The following EIF1AD variants were observed in gnomAD, a reference collection of about 807,000 sequenced individuals.
EIF1AD encodes probable RNA-binding protein EIF1AD.
A neutral mutation model predicts 21.7 loss-of-function variants in EIF1AD; 9 were observed. The observed-to-expected ratio is 0.41, with a 90% CI of 0.25 to 0.72. The LOEUF is 0.72. Ranked by LOEUF, EIF1AD falls within the 30% of genes least tolerant of loss-of-function variation. The pLI, the probability that EIF1AD is intolerant of heterozygous loss-of-function variation, is 0.29. For missense variants in EIF1AD, 164 were observed against 199.7 expected (o/e 0.82, Z 1.08); for synonymous variants, 78 against 70.9 (o/e 1.10, Z -0.50).
intron 3 of EIF1AD, 142 bp downstream of exon 3, chr11:65,999,911 T>C (rs2134957106): frequency 2.9e-6 from 2 of 683,454 alleles, no homozygotes; most frequent in East Asian, 5.4e-5. Context: ...GCCTCCTGAG[T>C]AGCTGGGATC....
chr11:65,999,364 G>T lies in EIF1AD; in HGVS notation c.339C>A (p.His113Gln), dbSNP rs1161331678. The change falls in exon 5 of 6, where the codon CAC (histidine) becomes CAA (glutamine). Residue 113 changes from histidine (H) to glutamine (Q), a missense_variant. Transcript: ENST00000533544. ...PEAFSEVAEK[H>Q]NNRNRQTQPE... ...TTGTTCCTCACCTGTTCCTGTTGTT[G>T]TGTTTCTCAGCCACTTCAGAGAAGG... 1 of 1,614,102 alleles carries T rather than the reference G, an allele frequency of 6.2e-7. No homozygotes were observed. Among genetic ancestry groups the T allele is most frequent in the African/African-American group, 1.3e-5 (1 of 74,934 alleles).
At position 65,998,693 on chromosome 11, in the gene EIF1AD, G is replaced by A; in HGVS notation, c.404C>T (p.Ser135Phe). 6.2e-7 allele frequency: 1 copy of A among 1,614,132 alleles called. No individual in the cohort carries two copies. Among genetic ancestry groups the A allele is most frequent in the Non-Finnish European group, 8.5e-7 (1 of 1,180,004 alleles). Residue 135 changes from serine (S) to phenylalanine (F), a missense_variant, in exon 6 of 6, where the codon TCC (serine) becomes TTC (phenylalanine). By Grantham distance (155) the Ser-to-Phe change is radical. Coordinates refer to ENST00000533544, the MANE Select transcript of EIF1AD (RefSeq NM_001242481.2). ...PAEPQLSGEE[S>F]SSEDDSDLFV... Reference sequence around the variant, plus strand: ...CAGGTCAGAATCATCTTCTGAGCTGGACTCCTCTCCTGATAACTGTGGCTC... The same window carrying A: ...CAGGTCAGAATCATCTTCTGAGCTGAACTCCTCTCCTGATAACTGTGGCTC...
At chr11:66,001,367 G>A (rs1011367007) in intron 1 of EIF1AD, among the ~76,000 whole-genome samples, 2 of 151,248 alleles carry the variant, frequency 1.3e-5, no homozygotes, top group Non-Finnish European at 2.9e-5. Flanking sequence ...AGCTACCCGG[G>A]AGGCTGAGGC....
rs944596808 is a variant in EIF1AD at position 65,997,994 on chromosome 11, T to G, written c.*605A>C. 1.3e-5 allele frequency: 2 copies of G among 152,430 alleles called. No homozygotes were observed. The highest frequency in any genetic ancestry group is 4.8e-5 in the African/African-American group (2 of 41,396). 9.4% of individuals were successfully genotyped at this position (152,430 alleles called of 1,614,324 possible). A position where few individuals can be genotyped will look rare whatever the true frequency, so the allele number is the denominator to read the frequency against. On this transcript the variant is annotated 3_prime_UTR_variant, in exon 6 of 6. Coordinates refer to ENST00000533544, the MANE Select transcript of EIF1AD (RefSeq NM_001242481.2). ...GCCACCTTCTGGAAGTGATAGATGGTGCAGAGTGGGAGAGATGAGGTCGTA... is the reference window on the plus strand; with the variant it reads ...GCCACCTTCTGGAAGTGATAGATGGGGCAGAGTGGGAGAGATGAGGTCGTA...
chr11:66,000,693 T>G, intron 1 of EIF1AD, 188 bp from the exon 2 acceptor site: 1 of 276,108 alleles, frequency 3.6e-6, no homozygotes, highest in Non-Finnish European at 7.0e-6. Flanking sequence ...TCTTAGTTTC[T>G]CTCCAACCTC....
rs769702496 is a variant in EIF1AD, at chr11:65,999,654, G to C, written c.218C>G (p.Pro73Arg). 14 of 1,613,812 alleles carry C rather than the reference G, an allele frequency of 8.7e-6. No homozygotes were observed. The highest frequency in any genetic ancestry group is 1.7e-4 in the Middle Eastern group (1 of 6,030). The change falls in exon 4 of 6, where the codon CCC (proline) becomes CGC (arginine). Residue 73 changes from proline (P) to arginine (R), a missense_variant. Physicochemically the swap from Pro to Arg is moderately radical, Grantham distance 103. Transcript: ENST00000533544. The stretch of plus-strand genomic sequence containing the variant: ...CTTCACCTTTTCTCCCTCTTCAATG[G>C]GGTCAACAATGAGAAAGTCCCCTGT... ...IKRGDFLIVD[P>R]IEEGEKVKAE...
rs149843397 is a variant in EIF1AD at position 65,998,680 on chromosome 11, A to C, written c.417T>G (p.Asp139Glu). ...QLSGEESSSEDDSDLFVNTNR... is the reference protein window; with the variant it reads ...QLSGEESSSEEDSDLFVNTNR... ...TTGTGTTAACAAACAGGTCAGAATC[A>C]TCTTCTGAGCTGGACTCCTCTCCTG... The change falls in exon 6 of 6, where the codon GAT becomes GAG. Residue 139 changes from aspartate (D) to glutamate (E), a missense_variant. Coordinates refer to ENST00000533544, the MANE Select transcript of EIF1AD (RefSeq NM_001242481.2). The C allele has an allele frequency of 1.9e-6, 3 of 1,614,010 alleles. No individual in the cohort carries two copies. The African/African-American group carries it at 4.0e-5, about 22-fold the overall frequency.
intron 1 of EIF1AD, among the ~76,000 whole-genome samples, chr11:66,001,471 CAAAA>C (rs397944986): frequency 5.0e-5 from 4 of 79,454 alleles, no homozygotes; most frequent in Admixed American, 1.5e-4. Flanking sequence ...GACTCCGTCT[CAAAA>C]AAAAAAAAAA....
At chr11:65,998,854 A>G (rs758285352) in intron 5 of EIF1AD, 111 bp from the exon 6 acceptor site, 2 of 1,229,846 alleles carry the variant, frequency 1.6e-6, no homozygotes, top group Non-Finnish European at 2.3e-6. Flanking sequence ...AGGGCCCTAC[A>G]GCACCCTTTA....
In EIF1AD at chr11:65,999,629, C is replaced by T; in HGVS notation, c.243G>A (p.Lys81=). The stretch of plus-strand genomic sequence containing the variant: ...TGCAGAGCACAAACGAGATTTCAGC[C>T]TTCACCTTTTCTCCCTCTTCAATGG... ...VDPIEEGEKV[K]AEISFVLCKD... is the part of the protein sequence containing the mutation. Residue 81 remains lysine, a synonymous_variant, in exon 4 of 6, where the codon AAG becomes AAA. Coordinates refer to ENST00000533544, the MANE Select transcript of EIF1AD (RefSeq NM_001242481.2). 4 of 1,614,056 alleles carry T rather than the reference C, an allele frequency of 2.5e-6. No homozygotes were observed. Among genetic ancestry groups the T allele is most frequent in the Non-Finnish European group, 3.4e-6 (4 of 1,180,026 alleles).
rs2134943254 is a variant in EIF1AD, at chr11:65,996,795, T to TC, written c.*1803dup. On this transcript the variant is annotated 3_prime_UTR_variant, in exon 6 of 6. Transcript: ENST00000533544. ...CACATCACATCCATAACATATCACA[T>TC]CCAATAGACAGGACAGCCAAAAACA... 6.6e-6 allele frequency: 1 copy of TC among 151,928 alleles called. No individual in the cohort carries two copies. The highest frequency in any genetic ancestry group is 1.5e-5 in the Non-Finnish European group (1 of 67,990). The allele number at this position is 151,928 out of a possible 1,614,324, so 9.4% of individuals were successfully genotyped here.
chr11:66,001,336 A>G (rs1436374192), intron 1 of EIF1AD, among the ~76,000 whole-genome samples: 2 of 151,928 alleles, frequency 1.3e-5, no homozygotes, highest in Non-Finnish European at 2.9e-5. Flanking sequence ...GCCGGGCGTG[A>G]TGACGAGCGC....
Position 66,000,502 on chromosome 11 carries a change from T to C in EIF1AD, c.-113A>G. Reference sequence around the variant, plus strand: ...CTGTTCTGAAGATGGGGAGGGGCCTTTTACTGAGGGGTGACACGGTGTCTT... The same window carrying C: ...CTGTTCTGAAGATGGGGAGGGGCCTCTTACTGAGGGGTGACACGGTGTCTT... On this transcript the variant is annotated 5_prime_UTR_variant, in exon 2 of 6. Transcript: ENST00000533544. 2.0e-6 allele frequency: 2 copies of C among 1,000,978 alleles called. No individual in the cohort carries two copies. Among genetic ancestry groups the C allele is most frequent in the South Asian group, 1.4e-5 (1 of 71,042 alleles). The allele number at this position is 1,000,978 out of a possible 1,614,324, so 62.0% of individuals were successfully genotyped here.
rs760336439 is a variant in EIF1AD at position 65,999,674 on chromosome 11, C to T, written c.198G>A (p.Gly66=). The T allele has an allele frequency of 1.2e-6, 2 of 1,611,688 alleles. No individual in the cohort carries two copies. The highest frequency in any genetic ancestry group is 3.3e-5 in the Admixed American group (2 of 59,956). ...CAATGGGGTCAACAATGAGAAAGTC[C>T]CCTGTAGATAAGAAGAGAAAAGGCA... is the stretch of plus-strand genomic sequence containing the variant. ...KYRKNIWIKR[G]DFLIVDPIEE... is the part of the protein sequence containing the mutation. The change falls in exon 4 of 6, where the codon GGG becomes GGA. Residue 66 remains glycine (G), a splice_region_variant and synonymous_variant. Transcript: ENST00000533544.
At position 65,998,367 on chromosome 11, in the gene EIF1AD, A is replaced by G; in HGVS notation, c.*232T>C. The stretch of plus-strand genomic sequence containing the variant: ...CCCACAAGGTCTCTAATAAATAGGG[A>G]GCAGTTTTTCACTTCATCACAATCT... On this transcript the variant is annotated 3_prime_UTR_variant, in exon 6 of 6. Transcript: ENST00000533544. The G allele has an allele frequency of 3.2e-6, 1 of 315,774 alleles. No homozygotes were observed. Among genetic ancestry groups the G allele is most frequent in the Non-Finnish European group, 5.8e-6 (1 of 172,254 alleles). The allele number at this position is 315,774 out of a possible 1,614,324, so 19.6% of individuals were successfully genotyped here. A position where few individuals can be genotyped will look rare whatever the true frequency, so the allele number is the denominator to read the frequency against.
rs1855822909 is a variant in EIF1AD, at chr11:65,998,754, G to A, written c.354-11C>T. On this transcript the variant is annotated splice_polypyrimidine_tract_variant and intron_variant, in intron 5 of 5. Coordinates refer to ENST00000533544, the MANE Select transcript of EIF1AD (RefSeq NM_001242481.2). ...TCTGGTTGAGTTTGTCTGCACGAAG[G>A]GAAGAGAGCAGGGTTAGCCCAGCGC... 2 of 1,613,852 alleles carry A rather than the reference G, an allele frequency of 1.2e-6. No individual in the cohort carries two copies. Among genetic ancestry groups the A allele is most frequent in the African/African-American group, 2.7e-5 (2 of 75,034 alleles).
intron 2 of EIF1AD, 44 bp downstream of exon 2, chr11:66,000,259 T>C: frequency 6.2e-7 from 1 of 1,611,518 alleles, no homozygotes; most frequent in Non-Finnish European, 8.5e-7. Context: ...CCTCCAGGGC[T>C]GCAGGGGTGG....
intron 5 of EIF1AD, 119 bp from the exon 6 acceptor site, chr11:65,998,862 T>C: frequency 8.8e-7 from 1 of 1,141,364 alleles, no homozygotes; most frequent in South Asian, 1.5e-5. Context: ...ACAGCACCCT[T>C]TAAAGACTCA....
Position 65,997,700 on chromosome 11 carries a change from AG to A in EIF1AD, c.*898del, listed in dbSNP as rs1395121043. ...TGAATGATTGGGTTTACCCAGGGTT[AG>A]GGTTTTACTAGCGGAACAGAATGGA... On this transcript the variant is annotated 3_prime_UTR_variant, in exon 6 of 6. Coordinates refer to ENST00000533544, the MANE Select transcript of EIF1AD (RefSeq NM_001242481.2). 6.6e-6 allele frequency: 1 copy of A among 152,280 alleles called. No homozygotes were observed. Among genetic ancestry groups the A allele is most frequent in the Non-Finnish European group, 1.5e-5 (1 of 68,058 alleles). 9.4% of individuals were successfully genotyped at this position (152,280 alleles called of 1,614,324 possible).
Sources: allele counts gnomAD v4.1 joint callset (sites outside exome capture counted in the v4.1 genomes callset), GRCh38; gene constraint gnomAD v4.1.1; transcripts MANE v1.5; gene names NCBI Gene and HGNC (gene_info 2026-07-23, HGNC 2026-07-21).